SAP130: variants seen among roughly 807,000 people sequenced by gnomAD.
SAP130 encodes histone deacetylase complex subunit SAP130.
In SAP130, 16 loss-of-function variants were observed where a neutral mutation model predicts 103.2. The ratio of observed to expected loss-of-function variants is 0.16; its 90% CI spans 0.10 to 0.24. SAP130 has a LOEUF of 0.24. SAP130 is among the 10% of genes least tolerant of loss of function. SAP130 has a pLI of 1.00. For synonymous variants in SAP130, 477 were observed against 497.0 expected (o/e 0.96, Z 0.53); for missense variants, 990 against 1,359.7 (o/e 0.73, Z 4.28).
chr2:127,942,565 T>G lies in SAP130; in HGVS notation c.2902-28A>C, dbSNP rs1333667982. The G allele has an allele frequency of 2.2e-6, 3 of 1,358,808 alleles. No homozygotes were observed. Among genetic ancestry groups the G allele is most frequent in the Non-Finnish European group, 3.2e-6 (3 of 948,502 alleles). 84.2% of individuals were successfully genotyped at this position (1,358,808 alleles called of 1,614,324 possible). ...GCAACACACAAAAGGGAGGGTATCATAAGCTCGGAAATATTTTTCTATGTC... is the reference window on the plus strand; with the variant it reads ...GCAACACACAAAAGGGAGGGTATCAGAAGCTCGGAAATATTTTTCTATGTC... On this transcript the variant is annotated intron_variant, in intron 19 of 20. Transcript: ENST00000643581. This position sits in a 1 kb window ranked among gnomAD's most constrained non-coding sequence, Gnocchi z 4.8.
chr2:128,024,279 G>T (rs943932195), intron 2 of SAP130, among the ~76,000 whole-genome samples: 16 of 151,360 alleles, frequency 1.1e-4, no homozygotes, highest in Non-Finnish European at 2.1e-4. Context: ...AGGAGTTTGA[G>T]ACAAGCCTGG....
At position 127,986,722 on chromosome 2, in the gene SAP130, T is replaced by A; in HGVS notation, c.1958+63A>T. ...GATACCAGCATTAGATAAGAGTGCC[T>A]ATTATGTATACCAGTTATATCCAGA... On this transcript the variant is annotated intron_variant, in intron 14 of 20. Coordinates refer to ENST00000643581, the MANE Select transcript of SAP130 (RefSeq NM_001330301.2). The surrounding 1 kb of genome is among the most constrained non-coding windows in gnomAD (Gnocchi z 4.7). 6.6e-7 allele frequency: 1 copy of A among 1,506,268 alleles called. No individual in the cohort carries two copies. Among genetic ancestry groups the A allele is most frequent in the East Asian group, 2.3e-5 (1 of 43,802 alleles). The allele number at this position is 1,506,268 out of a possible 1,614,324, so 93.3% of individuals were successfully genotyped here.
chr2:128,010,088 C>G (rs954877600), intron 7 of SAP130, among the ~76,000 whole-genome samples, 181 bp downstream of exon 7: 5 of 151,946 alleles, frequency 3.3e-5, no homozygotes, highest in African/African-American at 1.2e-4. Context: ...AAAACAGAAG[C>G]TCTGTGTGGG....
Position 127,986,758 on chromosome 2 carries a change from T to G in SAP130, c.1958+27A>C. 1.2e-6 allele frequency: 2 copies of G among 1,605,624 alleles called. No homozygotes were observed. The highest frequency in any genetic ancestry group is 1.7e-6 in the Non-Finnish European group (2 of 1,173,666). On this transcript the variant is annotated intron_variant, in intron 14 of 20. Coordinates refer to ENST00000643581, the MANE Select transcript of SAP130 (RefSeq NM_001330301.2). This position sits in a 1 kb window ranked among gnomAD's most constrained non-coding sequence, Gnocchi z 4.7. ...CCAGTTATATCCAGAACCAGAGGTGTCATTCGGCACTACCAGGTCTACTCA... is the reference window on the plus strand; with the variant it reads ...CCAGTTATATCCAGAACCAGAGGTGGCATTCGGCACTACCAGGTCTACTCA...
chr2:128,005,571 C>T (rs377705531), intron 7 of SAP130, among the ~76,000 whole-genome samples: 36 of 151,640 alleles, frequency 2.4e-4, no homozygotes, highest in African/African-American at 6.0e-4. Context: ...GCTGAGACCG[C>T]GCCACTGAAC....
intron 2 of SAP130, among the ~76,000 whole-genome samples, chr2:128,018,637 T>G (rs144661454): frequency 0.013 from 1,962 of 151,526 alleles, 21 homozygotes; most frequent in Non-Finnish European, 0.019. Flanking sequence ...GCAAAAAATT[T>G]TAAAATTAAA....
chr2:127,989,535 C>A lies in SAP130; in HGVS notation c.1780+29G>T. The A allele has an allele frequency of 1.3e-6, 2 of 1,576,566 alleles. No homozygotes were observed. Among genetic ancestry groups the A allele is most frequent in the Non-Finnish European group, 1.7e-6 (2 of 1,159,030 alleles). Reference sequence around the variant, plus strand: ...CCCAAATGTATTTCTTTTCTCCAAACCACCTTCTATGCAAAAATTTAAAAT... The same window carrying A: ...CCCAAATGTATTTCTTTTCTCCAAAACACCTTCTATGCAAAAATTTAAAAT... On this transcript the variant is annotated intron_variant, in intron 13 of 20. Coordinates refer to ENST00000643581, the MANE Select transcript of SAP130 (RefSeq NM_001330301.2). The surrounding 1 kb of genome is among the most constrained non-coding windows in gnomAD (Gnocchi z 4.6).
intron 15 of SAP130, among the ~76,000 whole-genome samples, chr2:127,976,657 A>T (rs891265742): frequency 5.3e-5 from 8 of 152,260 alleles, no homozygotes; most frequent in African/African-American, 1.7e-4. Context: ...CACGCCTGTA[A>T]TCCCAACACT....
At chr2:127,956,507 G>A (rs1246510474) in intron 15 of SAP130, among the ~76,000 whole-genome samples, 6 of 143,326 alleles carry the variant, frequency 4.2e-5, no homozygotes, top group Non-Finnish European at 9.1e-5. Context: ...TGAATAATGA[G>A]AACACTTGGA....
intron 3 of SAP130, 43 bp from the exon 4 acceptor site, chr2:128,016,590 C>A: frequency 1.3e-6 from 2 of 1,564,798 alleles, no homozygotes; most frequent in Non-Finnish European, 8.7e-7. Flanking sequence ...TGGCCTCATA[C>A]TGGTGATGCA....
At chr2:128,003,796 T>C (rs1573802361) in intron 7 of SAP130, among the ~76,000 whole-genome samples, 1 of 152,064 alleles carries the variant, frequency 6.6e-6, no homozygotes, top group East Asian at 1.9e-4. Flanking sequence ...TTTGAGATTT[T>C]GGAATTATAT....
intron 14 of SAP130, among the ~76,000 whole-genome samples, chr2:127,980,896 T>TCAACAACAACAA (rs61511870): frequency 0.032 from 4,783 of 150,588 alleles, 186 homozygotes; most frequent in African/African-American, 0.094. Flanking sequence ...GACCCCCATC[T>TCAACAACAACAA]CAACAACAAC....
intron 14 of SAP130, among the ~76,000 whole-genome samples, chr2:127,984,660 C>T (rs1354178027): frequency 6.6e-6 from 1 of 152,156 alleles, no homozygotes; most frequent in South Asian, 2.1e-4. Context: ...ATCAAGTTCA[C>T]CTGCCAGAGT....
intron 15 of SAP130, among the ~76,000 whole-genome samples, chr2:127,971,188 C>T (rs1290712612): frequency 6.6e-6 from 1 of 152,096 alleles, no homozygotes; most frequent in East Asian, 1.9e-4. Flanking sequence ...CCCGGGCTCC[C>T]CCCATCTGTT....
intron 1 of SAP130, among the ~76,000 whole-genome samples, chr2:128,026,683 G>A (rs766345670): frequency 6.6e-5 from 10 of 152,214 alleles, no homozygotes; most frequent in Non-Finnish European, 1.3e-4. Context: ...ACACCAAGGT[G>A]AACAGAACTG....
intron 15 of SAP130, among the ~76,000 whole-genome samples, chr2:127,958,209 T>C (rs1267417939): frequency 6.6e-6 from 1 of 152,224 alleles, no homozygotes; most frequent in Admixed American, 6.5e-5. Flanking sequence ...GGTCAGGAGT[T>C]CGAGACCAGC....
At chr2:127,947,877 T>TC (rs1174813825) in intron 18 of SAP130, among the ~76,000 whole-genome samples, 8 of 151,328 alleles carry the variant, frequency 5.3e-5, no homozygotes, top group African/African-American at 1.9e-4. Flanking sequence ...AACCTCCACT[T>TC]CCCGGGGATT....
At chr2:127,993,057 A>C (rs1286710877) in intron 12 of SAP130, 130 bp downstream of exon 12, 12 of 1,207,784 alleles carry the variant, frequency 9.9e-6, no homozygotes, top group African/African-American at 7.6e-5. Context: ...CAAGCTTCAC[A>C]TTTTATCTGA....
intron 1 of SAP130, 142 bp downstream of exon 1, chr2:128,027,798 G>C (rs116422917): frequency 4.0e-6 from 2 of 503,158 alleles, no homozygotes; most frequent in Non-Finnish European, 5.1e-6. Context: ...GCTCGCGAAA[G>C]AGCCGCGGTC....
Sources: allele counts gnomAD v4.1 joint callset (sites outside exome capture counted in the v4.1 genomes callset), GRCh38; gene constraint gnomAD v4.1.1; non-coding constraint Gnocchi (gnomAD v3.1); transcripts MANE v1.5; gene names NCBI Gene and HGNC (gene_info 2026-07-23, HGNC 2026-07-21).